The following SLC44A5 variants were observed in gnomAD, a reference collection of about 807,000 sequenced individuals.
SLC44A5 encodes choline transporter-like protein 5.
Under a neutral mutation model 101.8 loss-of-function variants are expected in SLC44A5, and 57 were observed. The observed-to-expected ratio is 0.56, with a 90% CI of 0.45 to 0.70. The LOEUF (loss-of-function observed/expected upper bound fraction) is 0.70, where lower values mean the gene tolerates loss of function less well. Ranked by LOEUF, SLC44A5 falls within the 30% of genes least tolerant of loss-of-function variation. The pLI is 0.00. For missense variants in SLC44A5, 737 were observed against 853.1 expected (o/e 0.86, Z 1.70); for synonymous variants, 281 against 290.9 (o/e 0.97, Z 0.35).
upstream of SLC44A5, among the ~76,000 whole-genome samples, chr1:75,611,958 G>A (rs1262027568): frequency 6.6e-6 from 1 of 151,970 alleles, no homozygotes; most frequent in Non-Finnish European, 1.5e-5. Flanking sequence ...ATTACAATAT[G>A]TTTTTCCTAA....
intron 2 of SLC44A5, among the ~76,000 whole-genome samples, chr1:75,473,811 G>A (rs1325636857): frequency 6.6e-6 from 1 of 151,604 alleles, no homozygotes; most frequent in Non-Finnish European, 1.5e-5. Context: ...CCTCTGTTGT[G>A]GCCTTTTCCA....
chr1:75,247,670 G>A (rs1039027135), intron 7 of SLC44A5, among the ~76,000 whole-genome samples: 7 of 152,094 alleles, frequency 4.6e-5, no homozygotes, highest in Admixed American at 2.6e-4. Flanking sequence ...TAGACAGAGA[G>A]TTGGGAGGAA....
At chr1:75,266,859 A>C (rs1651034693) in intron 6 of SLC44A5, among the ~76,000 whole-genome samples, 1 of 152,228 alleles carries the variant, frequency 6.6e-6, no homozygotes, top group Admixed American at 6.5e-5. Flanking sequence ...ACCAATTAAT[A>C]ACCAGGATAA....
intron 2 of SLC44A5, among the ~76,000 whole-genome samples, chr1:75,417,621 T>C (rs1341552154): frequency 6.6e-6 from 1 of 152,236 alleles, no homozygotes; most frequent in Non-Finnish European, 1.5e-5. Flanking sequence ...TGGACATAGG[T>C]GAGATCTCCA....
At chr1:75,624,274 G>A in the SLC44A5 span, among the ~76,000 whole-genome samples, 1 of 152,094 alleles carries the variant, frequency 6.6e-6, no homozygotes. Context: ...ACTATTTTTA[G>A]AAGAATATGA....
At chr1:75,452,672 C>T (rs1430577998) in intron 2 of SLC44A5, among the ~76,000 whole-genome samples, 1 of 152,146 alleles carries the variant, frequency 6.6e-6, no homozygotes, top group African/African-American at 2.4e-5. Flanking sequence ...CTTGTAATGA[C>T]ACCCATAGGC....
intron 2 of SLC44A5, among the ~76,000 whole-genome samples, chr1:75,511,838 G>A (rs546693171): frequency 1.9e-4 from 29 of 152,136 alleles, no homozygotes; most frequent in Admixed American, 5.9e-4. Context: ...TTTCTTTCTC[G>A]CCATTAGGGT....
At chr1:75,690,972 A>T in the SLC44A5 span, among the ~76,000 whole-genome samples, 324 of 150,382 alleles carry the variant, frequency 2.2e-3, 1 homozygote, top group Non-Finnish European at 3.2e-3. Flanking sequence ...TAATTTTTTT[A>T]AAAAAAGAAG....
the SLC44A5 span, among the ~76,000 whole-genome samples, chr1:75,698,028 A>G: frequency 6.6e-6 from 1 of 152,194 alleles, no homozygotes; most frequent in Non-Finnish European, 1.5e-5. Flanking sequence ...ACTGATTGCT[A>G]GCACAGCAGT....
At chr1:75,471,232 C>G (rs1667091500) in intron 2 of SLC44A5, among the ~76,000 whole-genome samples, 1 of 152,038 alleles carries the variant, frequency 6.6e-6, no homozygotes, top group African/African-American at 2.4e-5. Context: ...GGGCACCTTT[C>G]TCATCATTGC....
intron 1 of SLC44A5, among the ~76,000 whole-genome samples, chr1:75,600,794 T>C (rs368131034): frequency 1.3e-5 from 2 of 152,316 alleles, no homozygotes; most frequent in South Asian, 2.1e-4. Context: ...AGCAATAGGC[T>C]ATACCATATA....
At chr1:75,713,351 C>G in the SLC44A5 span, among the ~76,000 whole-genome samples, 2 of 152,140 alleles carry the variant, frequency 1.3e-5, no homozygotes, top group African/African-American at 2.4e-5. Context: ...TAATGTCTAC[C>G]AATCTATGGG....
At chr1:75,707,574 A>G in the SLC44A5 span, among the ~76,000 whole-genome samples, 1 of 152,138 alleles carries the variant, frequency 6.6e-6, no homozygotes, top group South Asian at 2.1e-4. Flanking sequence ...GACCTTTGAG[A>G]AGGTTTGCGT....
chr1:75,593,370 C>T (rs1674458024), intron 1 of SLC44A5, among the ~76,000 whole-genome samples: 1 of 152,176 alleles, frequency 6.6e-6, no homozygotes, highest in South Asian at 2.1e-4. Context: ...AAAGGGAACC[C>T]TTGTACACTT....
chr1:75,245,228 C>G (rs941152590), intron 7 of SLC44A5, among the ~76,000 whole-genome samples: 1 of 152,126 alleles, frequency 6.6e-6, no homozygotes, highest in South Asian at 2.1e-4. Context: ...AGTCTCTCAT[C>G]CACACGTGTG....
chr1:75,536,474 G>A lies in SLC44A5; in HGVS notation c.13+4961C>T, dbSNP rs968695481. On this transcript the variant is annotated intron_variant, in intron 2 of 23. Coordinates refer to ENST00000370859, the MANE Select transcript of SLC44A5 (RefSeq NM_001130058.2). ...AAATTGGCTGGGCATGGTGGCGGGC[G>A]CCTGTAGTCCCAGCTACTCCGGAGG... 3.5e-4 allele frequency among the ~76,000 whole-genome samples: 53 copies of A among 151,158 alleles called. No individual in the cohort carries two copies. In the East Asian group the frequency reaches 5.1e-3, roughly 15 times the overall value.
intron 2 of SLC44A5, among the ~76,000 whole-genome samples, chr1:75,492,851 C>T (rs1668494761): frequency 6.6e-6 from 1 of 152,172 alleles, no homozygotes; most frequent in African/African-American, 2.4e-5. Context: ...ATTAAACAAA[C>T]TAGATCAATG....
At chr1:75,575,340 G>A (rs1570651221) in intron 1 of SLC44A5, among the ~76,000 whole-genome samples, 2 of 152,104 alleles carry the variant, frequency 1.3e-5, no homozygotes, top group South Asian at 4.1e-4. Context: ...AATGTAGAAA[G>A]GAAAAAATTT....
the SLC44A5 span, among the ~76,000 whole-genome samples, chr1:75,699,339 G>A: frequency 1.3e-5 from 2 of 152,048 alleles, no homozygotes; most frequent in African/African-American, 4.8e-5. Flanking sequence ...AGAATTGGGG[G>A]CCAATATTCA....
Sources: gnomAD v4.1 joint callset for allele counts (sites outside exome capture counted in the v4.1 genomes callset) on GRCh38, gnomAD v4.1.1 for gene constraint, MANE v1.5 for transcripts, NCBI Gene and HGNC (gene_info 2026-07-23, HGNC 2026-07-21) for gene names.